Variants in ATP10A observed in about 807,000 individuals in gnomAD.
The protein encoded by ATP10A is phospholipid-transporting ATPase VA.
A neutral mutation model predicts 147.8 loss-of-function variants in ATP10A; 111 were observed. That is an observed-to-expected ratio of 0.75 (90% CI 0.64 to 0.88). ATP10A has a LOEUF of 0.88. Among genes scored for constraint, ATP10A ranks in the 40% least tolerant of loss-of-function variants. The pLI is 0.00. For synonymous variants in ATP10A, 875 were observed against 841.6 expected, an observed-to-expected ratio of 1.04 and a Z score of -0.69; for missense variants, 1,927 against 1,959.0, an observed-to-expected ratio of 0.98 and a Z score of 0.31.
At chr15:25,832,981 C>CTTTTTTTTTTTT (rs202037774) in intron 1 of ATP10A, among the ~76,000 whole-genome samples, 3 of 124,222 alleles carry the variant, frequency 2.4e-5, no homozygotes, top group Non-Finnish European at 3.4e-5. Flanking sequence ...CTATTTTATT[C>CTTTTTTTTTTTT]TTTTTTTTTT....
At chr15:25,703,064 A>G (rs902452533) in intron 12 of ATP10A, among the ~76,000 whole-genome samples, 2 of 152,174 alleles carry the variant, frequency 1.3e-5, no homozygotes, top group African/African-American at 4.8e-5. Flanking sequence ...TCCTTATAAA[A>G]AGAGGCACTG....
intron 12 of ATP10A, among the ~76,000 whole-genome samples, chr15:25,703,271 C>T (rs1900779687): frequency 6.6e-6 from 1 of 152,152 alleles, no homozygotes; most frequent in South Asian, 2.1e-4. Context: ...GGCAGAATTG[C>T]TTGAACCCAG....
Position 25,862,795 on chromosome 15 carries a change from G to C in ATP10A, c.302C>G (p.Pro101Arg), listed in dbSNP as rs1345044346. The change falls in exon 1 of 21, where the codon CCG (proline) becomes CGG (arginine). Residue 101 changes from proline (P) to arginine (R), a missense_variant. By Grantham distance (103) the Pro-to-Arg change is moderately radical (BLOSUM62 -2). Coordinates refer to ENST00000555815, the MANE Select transcript of ATP10A (RefSeq NM_024490.4). ...GCCGGGCTGGAAGGCGTTCACCGCC[G>C]GCACGAAGTTGAGCAGCGCGATGAA... Reference protein sequence around the residue: ...FVFIALLNFVPAVNAFQPGLA... With the variant: ...FVFIALLNFVRAVNAFQPGLA... 4.3e-6 allele frequency: 7 copies of C among 1,610,494 alleles called. No homozygotes were observed. The highest frequency in any genetic ancestry group is 5.9e-6 in the Non-Finnish European group (7 of 1,178,338).
chr15:25,820,798 T>C (rs1183446524), intron 1 of ATP10A, among the ~76,000 whole-genome samples: 1 of 152,072 alleles, frequency 6.6e-6, no homozygotes, highest in Non-Finnish European at 1.5e-5. Flanking sequence ...CCAGATAAAT[T>C]AAAACATAAA....
At chr15:25,761,795 T>G (rs6576455) in intron 2 of ATP10A, among the ~76,000 whole-genome samples, 12 of 152,052 alleles carry the variant, frequency 7.9e-5, no homozygotes, top group Non-Finnish European at 1.6e-4. Context: ...CTTTTGATTT[T>G]ATAGTCTCAT....
intron 1 of ATP10A, among the ~76,000 whole-genome samples, chr15:25,785,697 C>G (rs1226656593): frequency 6.6e-6 from 1 of 152,172 alleles, no homozygotes; most frequent in East Asian, 1.9e-4. Context: ...TTAATACCAG[C>G]CACTCAACCA....
chr15:25,722,545 T>C (rs1215400361), intron 6 of ATP10A, among the ~76,000 whole-genome samples: 1 of 152,194 alleles, frequency 6.6e-6, no homozygotes, highest in Non-Finnish European at 1.5e-5. Context: ...AGAGTAACAG[T>C]ATTGGACTAA....
chr15:25,824,751 C>A (rs1420145353), intron 1 of ATP10A, among the ~76,000 whole-genome samples: 1 of 151,992 alleles, frequency 6.6e-6, no homozygotes, highest in Admixed American at 6.5e-5. Context: ...TAGCAACAAT[C>A]CAAAAACATT....
Position 25,753,038 on chromosome 15 carries a change from C to T in ATP10A, c.655-16897G>A, listed in dbSNP as rs190734867. Among the ~76,000 whole-genome samples the T allele has an allele frequency of 3.0e-4, 45 of 152,156 alleles. No homozygotes were observed. In the East Asian group the frequency reaches 7.7e-3, roughly 26 times the overall value. On this transcript the variant is annotated intron_variant, in intron 2 of 20. Transcript: ENST00000555815. Reference sequence around the variant, plus strand: ...AATTTGTGAATACAATATAGAATAACTAAATTAAGCTAGTTAACATATCTA... The same window carrying T: ...AATTTGTGAATACAATATAGAATAATTAAATTAAGCTAGTTAACATATCTA...
chr15:25,725,893 C>T (rs1040483972), intron 5 of ATP10A, 58 bp downstream of exon 5: 116 of 1,543,396 alleles, frequency 7.5e-5, no homozygotes, highest in Middle Eastern at 6.9e-4. Context: ...GCTAGGATTA[C>T]GGGCACGAGC....
chr15:25,745,112 T>A (rs943285420), intron 2 of ATP10A, among the ~76,000 whole-genome samples: 14 of 151,958 alleles, frequency 9.2e-5, no homozygotes, highest in Non-Finnish European at 1.3e-4. Context: ...GATCACGACG[T>A]CATGGTCTTG....
At chr15:25,773,360 A>T (rs930897732) in intron 2 of ATP10A, among the ~76,000 whole-genome samples, 1 of 152,146 alleles carries the variant, frequency 6.6e-6, no homozygotes, top group Non-Finnish European at 1.5e-5. Flanking sequence ...GTGCTCTGAC[A>T]GGTCTTGCAT....
chr15:25,859,706 C>T (rs1786871324), intron 1 of ATP10A, among the ~76,000 whole-genome samples: 2 of 152,072 alleles, frequency 1.3e-5, no homozygotes, highest in African/African-American at 4.8e-5. Flanking sequence ...TCTCAAACAC[C>T]CTGGCCTAGG....
chr15:25,779,440 AG>A (rs1001112486), intron 2 of ATP10A, among the ~76,000 whole-genome samples: 1 of 152,178 alleles, frequency 6.6e-6, no homozygotes, highest in African/African-American at 2.4e-5. Flanking sequence ...CCGGGAACTG[AG>A]AGGGGATGCT....
At chr15:25,836,169 G>A (rs1166760697) in intron 1 of ATP10A, among the ~76,000 whole-genome samples, 1 of 152,148 alleles carries the variant, frequency 6.6e-6, no homozygotes, top group Non-Finnish European at 1.5e-5. Context: ...GGCTGATCTT[G>A]AACTCCTCAC....
Position 25,687,750 on chromosome 15 carries a change from A to G in ATP10A, c.3244T>C (p.Tyr1082His). 1 of 1,612,816 alleles carries G rather than the reference A, an allele frequency of 6.2e-7. No homozygotes were observed. The highest frequency in any genetic ancestry group is 8.5e-7 in the Non-Finnish European group (1 of 1,179,002). The change falls in exon 16 of 21, where the codon TAC becomes CAC. Residue 1082 changes from tyrosine to histidine, a missense_variant. Coordinates refer to ENST00000555815, the MANE Select transcript of ATP10A (RefSeq NM_024490.4). Reference sequence around the variant, plus strand: ...AGCACCATGTTGGCAAGTCGGGAGTAGCACCAATGCCCGTGAAGAATCAAG... The same window carrying G: ...AGCACCATGTTGGCAAGTCGGGAGTGGCACCAATGCCCGTGAAGAATCAAG... The part of the protein sequence containing the change: ...RLLILHGHWC[Y>H]SRLANMVLYF...
Position 25,695,191 on chromosome 15 carries a change from C to T in ATP10A, c.2761-45G>A, listed in dbSNP as rs981079912. ...ACAGCGCAGTTCCCTCAGAGTCATGCCACAAACATCCCCGCCCTGGCTCAA... is the reference window on the plus strand; with the variant it reads ...ACAGCGCAGTTCCCTCAGAGTCATGTCACAAACATCCCCGCCCTGGCTCAA... On this transcript the variant is annotated intron_variant, in intron 13 of 20. Transcript: ENST00000555815. The T allele has an allele frequency of 2.0e-6, 3 of 1,532,538 alleles. No individual in the cohort carries two copies. The East Asian group carries it at 6.8e-5, about 35-fold the overall frequency. 94.9% of individuals were successfully genotyped at this position (1,532,538 alleles called of 1,614,324 possible). A position where few individuals can be genotyped will look rare whatever the true frequency, so the allele number is the denominator to read the frequency against.
chr15:25,688,073 C>A, intron 15 of ATP10A: 1 of 532,506 alleles, frequency 1.9e-6, no homozygotes, highest in Non-Finnish European at 3.4e-6. Context: ...TTTACGCTTT[C>A]AAATATGTGT....
At chr15:25,767,685 G>A (rs1479574280) in intron 2 of ATP10A, among the ~76,000 whole-genome samples, 2 of 152,218 alleles carry the variant, frequency 1.3e-5, no homozygotes, top group African/African-American at 4.8e-5. Flanking sequence ...GACTTCTAAA[G>A]CTCCTCAGGG....
Sources: gnomAD v4.1 joint callset for allele counts (sites outside exome capture counted in the v4.1 genomes callset) on GRCh38, gnomAD v4.1.1 for gene constraint, MANE v1.5 for transcripts, NCBI Gene and HGNC (gene_info 2026-07-23, HGNC 2026-07-21) for gene names.